AIG1: variants seen among roughly 807,000 people sequenced by gnomAD.
AIG1 encodes the protein androgen-induced gene 1 protein.
A neutral mutation model predicts 31.4 loss-of-function variants in AIG1; 23 were observed. The observed-to-expected ratio is 0.73, with a 90% CI of 0.53 to 1.04. AIG1 has a LOEUF of 1.04. AIG1 is among the 50% of genes least tolerant of loss of function. The pLI, the probability that AIG1 is intolerant of heterozygous loss-of-function variation, is 0.00. For synonymous variants in AIG1, 100 were observed against 110.5 expected, an observed-to-expected ratio of 0.90 and a Z score of 0.60; for missense variants, 274 against 295.0, an observed-to-expected ratio of 0.93 and a Z score of 0.52.
At chr6:143,183,766 A>G (rs562773710) in intron 3 of AIG1, among the ~76,000 whole-genome samples, 1 of 152,312 alleles carries the variant, frequency 6.6e-6, no homozygotes, top group Non-Finnish European at 1.5e-5. Flanking sequence ...AGATATTTCA[A>G]AGTAAACTTA....
intron 4 of AIG1, among the ~76,000 whole-genome samples, chr6:143,306,043 G>T (rs1315830277): frequency 1.4e-5 from 2 of 147,328 alleles, no homozygotes; most frequent in South Asian, 2.3e-4. Flanking sequence ...GACTAGGATT[G>T]CAACCCCTGC....
At chr6:143,243,261 A>G (rs1314969306) in intron 3 of AIG1, among the ~76,000 whole-genome samples, 5 of 152,256 alleles carry the variant, frequency 3.3e-5, no homozygotes, top group African/African-American at 9.6e-5. Context: ...AGTTGGAATT[A>G]TAATAAGACA....
intron 1 of AIG1, among the ~76,000 whole-genome samples, chr6:143,122,923 T>G (rs979591451): frequency 6.6e-6 from 1 of 152,180 alleles, no homozygotes; most frequent in African/African-American, 2.4e-5. Context: ...CTAAGCCCTA[T>G]GATCTATCTC....
intron 3 of AIG1, among the ~76,000 whole-genome samples, chr6:143,231,488 C>T (rs567393200): frequency 7.9e-5 from 12 of 152,206 alleles, no homozygotes; most frequent in East Asian, 7.7e-4. Flanking sequence ...GGAACTATCT[C>T]GTGAACAGAG....
At chr6:143,314,678 C>T (rs536200533) in intron 4 of AIG1, among the ~76,000 whole-genome samples, 10 of 152,144 alleles carry the variant, frequency 6.6e-5, no homozygotes, top group Admixed American at 4.6e-4. Context: ...GTAAGTAGAA[C>T]GATATTCTGT....
chr6:143,261,362 C>A (rs1349296507), intron 3 of AIG1, among the ~76,000 whole-genome samples: 1 of 152,176 alleles, frequency 6.6e-6, no homozygotes, highest in Non-Finnish European at 1.5e-5. Flanking sequence ...GAACTCCTGA[C>A]CTCAGGTGAT....
intron 4 of AIG1, among the ~76,000 whole-genome samples, chr6:143,323,376 T>C (rs149907275): frequency 7.8e-4 from 118 of 152,254 alleles, no homozygotes; most frequent in African/African-American, 2.6e-3. Flanking sequence ...CCTCCCAGAT[T>C]CTGTACATTT....
intron 3 of AIG1, chr6:143,189,697 T>C (rs1789610594): frequency 2.0e-5 from 20 of 985,310 alleles, no homozygotes; most frequent in African/African-American, 3.5e-5. Context: ...CTAAATGTTT[T>C]TAACTGAAGA....
At chr6:143,341,909 G>C (rs1332641355), downstream of AIG1, among the ~76,000 whole-genome samples, 1 of 152,100 alleles carries the variant, frequency 6.6e-6, no homozygotes, top group African/African-American at 2.4e-5. Context: ...CTGGGATATC[G>C]AATGAAGGTA....
Position 143,329,189 on chromosome 6 carries a change from C to T in AIG1, c.516-4093C>T, listed in dbSNP as rs540719603. On this transcript the variant is annotated intron_variant, in intron 4 of 5. Transcript: ENST00000357847. The surrounding 1 kb of genome is among the most constrained non-coding windows in gnomAD (Gnocchi z 4.9). ...AAACCAAACCAAAACAAACAAGAAA[C>T]GCTCAATTCCATTTTGGAGACAATA... Among the ~76,000 whole-genome samples, 2 of 152,206 alleles carry T rather than the reference C, an allele frequency of 1.3e-5. No homozygotes were observed. The highest frequency in any genetic ancestry group is 2.4e-5 in the African/African-American group (1 of 41,444).
intron 4 of AIG1, among the ~76,000 whole-genome samples, chr6:143,323,934 T>G (rs1776416250): frequency 6.6e-6 from 1 of 152,218 alleles, no homozygotes; most frequent in African/African-American, 2.4e-5. Context: ...GGTTCTAAAA[T>G]TAGACCATTA....
At chr6:143,161,898 T>A (rs1290678443) in intron 2 of AIG1, among the ~76,000 whole-genome samples, 1 of 152,040 alleles carries the variant, frequency 6.6e-6, no homozygotes, top group African/African-American at 2.4e-5. Flanking sequence ...AAGGCAAGGA[T>A]GCTCACTCTC....
chr6:143,182,831 C>T (rs1245270128), intron 3 of AIG1, among the ~76,000 whole-genome samples: 1 of 152,158 alleles, frequency 6.6e-6, no homozygotes, highest in East Asian at 1.9e-4. Flanking sequence ...AATATATGTC[C>T]ATGTTTTCTC....
intron 3 of AIG1, among the ~76,000 whole-genome samples, chr6:143,228,300 A>G (rs151212227): frequency 6.6e-6 from 1 of 152,292 alleles, no homozygotes; most frequent in African/African-American, 2.4e-5. Context: ...AGGCCTCTTT[A>G]CATACAGACT....
At chr6:143,282,697 T>C (rs564016492) in intron 3 of AIG1, among the ~76,000 whole-genome samples, 7 of 152,362 alleles carry the variant, frequency 4.6e-5, no homozygotes, top group African/African-American at 1.4e-4. Flanking sequence ...CACAGTTATC[T>C]AGAGGAGAAT....
At chr6:143,343,882 G>C (rs1777904895), downstream of AIG1, among the ~76,000 whole-genome samples, 1 of 152,110 alleles carries the variant, frequency 6.6e-6, no homozygotes, top group South Asian at 2.1e-4. Context: ...AATATAAAAT[G>C]ATCCTCTCCC....
intron 3 of AIG1, among the ~76,000 whole-genome samples, chr6:143,272,313 A>G (rs994576207): frequency 6.6e-6 from 1 of 152,192 alleles, no homozygotes; most frequent in African/African-American, 2.4e-5. Context: ...GATTAACCCC[A>G]CAAAGTTTCT....
At chr6:143,266,228 TC>T (rs1336517038) in intron 3 of AIG1, among the ~76,000 whole-genome samples, 1 of 150,760 alleles carries the variant, frequency 6.6e-6, no homozygotes, top group Non-Finnish European at 1.5e-5. Flanking sequence ...GCGCCTGTAA[TC>T]CCAGCTACTC....
intron 3 of AIG1, among the ~76,000 whole-genome samples, chr6:143,180,937 CTT>C (rs1403387725): frequency 6.6e-6 from 1 of 152,290 alleles, no homozygotes; most frequent in East Asian, 1.9e-4. Context: ...GTGCATCTGT[CTT>C]TCCCAGAAGA....
Sources: gnomAD v4.1 joint callset for allele counts (sites outside exome capture counted in the v4.1 genomes callset) on GRCh38, gnomAD v4.1.1 for gene constraint, Gnocchi (gnomAD v3.1) non-coding constraint, MANE v1.5 for transcripts, NCBI Gene and HGNC (gene_info 2026-07-23, HGNC 2026-07-21) for gene names.